USH2A: variants seen among roughly 807,000 people sequenced by gnomAD.
USH2A encodes the protein Usher syndrome 2A (autosomal recessive, mild).
USH2A carries 443 observed loss-of-function variants against 538.9 expected under a neutral mutation model. The ratio of observed to expected loss-of-function variants is 0.82; its 90% confidence interval spans 0.76 to 0.89. The LOEUF is 0.89. Ranked by LOEUF, USH2A falls within the 40% of genes least tolerant of loss-of-function variation. The pLI is 0.00. For synonymous variants in USH2A, 2,413 were observed against 2,273.5 expected (o/e 1.06, Z -1.75); for missense variants, 6,633 against 6,324.8 (o/e 1.05, Z -1.65).
chr1:215,635,853 C>A (rs1656465442), intron 69 of USH2A, among the ~76,000 whole-genome samples: 1 of 152,006 alleles, frequency 6.6e-6, no homozygotes, highest in Admixed American at 6.6e-5. Flanking sequence ...CGCACCCAGC[C>A]AGGCAGGTTT....
At chr1:215,926,770 C>T (rs1425522942) in intron 38 of USH2A, among the ~76,000 whole-genome samples, 1 of 151,812 alleles carries the variant, frequency 6.6e-6, no homozygotes, top group Non-Finnish European at 1.5e-5. Flanking sequence ...ACATGCCCGG[C>T]TAAGTTTTTG....
chr1:216,285,618 A>T (rs2036867139), intron 11 of USH2A, among the ~76,000 whole-genome samples: 2 of 152,124 alleles, frequency 1.3e-5, no homozygotes, highest in Non-Finnish European at 2.9e-5. Context: ...CATCCTCCAG[A>T]CCTCAGAATG....
intron 37 of USH2A, among the ~76,000 whole-genome samples, chr1:215,950,068 T>C (rs748691348): frequency 7.9e-5 from 12 of 152,166 alleles, no homozygotes; most frequent in Non-Finnish European, 1.2e-4. Context: ...TTAGAAGCCA[T>C]GTGAAATGAT....
intron 55 of USH2A, among the ~76,000 whole-genome samples, chr1:215,767,397 C>T (rs1293536745): frequency 6.6e-6 from 1 of 152,126 alleles, no homozygotes; most frequent in Non-Finnish European, 1.5e-5. Flanking sequence ...TTTTCTTGCC[C>T]CAAGCCATAT....
intron 4 of USH2A, among the ~76,000 whole-genome samples, chr1:216,337,681 T>A (rs1163059974): frequency 6.6e-6 from 1 of 151,130 alleles, no homozygotes; most frequent in Non-Finnish European, 1.5e-5. Flanking sequence ...GACCTCACAA[T>A]CAGACAAAGA....
chr1:215,995,322 T>A (rs1293219604), intron 34 of USH2A, among the ~76,000 whole-genome samples: 2 of 152,210 alleles, frequency 1.3e-5, no homozygotes, highest in Non-Finnish European at 2.9e-5. Flanking sequence ...AAGGCATTTA[T>A]GAAAGCATTT....
intron 9 of USH2A, among the ~76,000 whole-genome samples, chr1:216,303,444 C>T (rs753967989): frequency 2.5e-4 from 38 of 151,708 alleles, no homozygotes; most frequent in African/African-American, 7.5e-4. Context: ...AAGTATAAGG[C>T]GTTATTGATG....
intron 61 of USH2A, among the ~76,000 whole-genome samples, chr1:215,688,357 A>G (rs1658499872): frequency 6.6e-6 from 1 of 152,114 alleles, no homozygotes; most frequent in Non-Finnish European, 1.5e-5. Flanking sequence ...AGGCCAAGGT[A>G]AAGAGTTCAA....
chr1:216,412,073 T>C (rs941757785), intron 3 of USH2A, among the ~76,000 whole-genome samples: 1 of 152,188 alleles, frequency 6.6e-6, no homozygotes, highest in African/African-American at 2.4e-5. Context: ...CAGGAAGTTA[T>C]AGGCTATAAA....
At chr1:216,283,512 C>T (rs923606798) in intron 11 of USH2A, among the ~76,000 whole-genome samples, 1 of 152,094 alleles carries the variant, frequency 6.6e-6, no homozygotes, top group Non-Finnish European at 1.5e-5. Context: ...ATTTCATTTT[C>T]TTGGCTACAA....
At chr1:215,639,334 A>G in intron 68 of USH2A, 96 bp from the exon 69 acceptor site, 1 of 1,183,336 alleles carries the variant, frequency 8.5e-7, no homozygotes, top group Non-Finnish European at 1.3e-6. Context: ...AGCATGAAAA[A>G]TAGGATTCCA....
intron 30 of USH2A, among the ~76,000 whole-genome samples, chr1:216,064,052 T>A (rs1036237369): frequency 6.6e-6 from 1 of 152,204 alleles, no homozygotes; most frequent in African/African-American, 2.4e-5. Flanking sequence ...GTGAACATTG[T>A]AAGGAGCACC....
chr1:215,728,347 C>T lies in USH2A; in HGVS notation c.11749G>A (p.Val3917Ile). Residue 3917 changes from valine (V) to isoleucine (I), a missense_variant, in exon 61 of 72, where the codon GTC becomes ATC. Coordinates refer to ENST00000307340, the MANE Select transcript of USH2A (RefSeq NM_206933.4). ...AATTCAAGGGCTCCTTCTGACCAGACAAATAAAACAGACTCCTCTTCAATG... is the reference window on the plus strand; with the variant it reads ...AATTCAAGGGCTCCTTCTGACCAGATAAATAAAACAGACTCCTCTTCAATG... ...AGIEEESVLF[V>I]WSEGALEFMD... 2.5e-6 allele frequency: 4 copies of T among 1,614,174 alleles called. No homozygotes were observed. The highest frequency in any genetic ancestry group is 2.5e-6 in the Non-Finnish European group (3 of 1,180,036).
At chr1:215,993,926 A>G (rs950967392) in intron 34 of USH2A, among the ~76,000 whole-genome samples, 4 of 152,206 alleles carry the variant, frequency 2.6e-5, no homozygotes, top group African/African-American at 9.6e-5. Context: ...GTGCAATTTC[A>G]TAATAAACTG....
chr1:216,334,727 G>A (rs953306629), intron 4 of USH2A, among the ~76,000 whole-genome samples: 1 of 151,806 alleles, frequency 6.6e-6, no homozygotes, highest in African/African-American at 2.4e-5. Context: ...TTTTAGTAGA[G>A]ACAAGAATAT....
Position 215,878,788 on chromosome 1 carries a change from G to A in USH2A, c.8534C>T (p.Ser2845Phe). ...CCTCAAATTAGGTCCATTTGGCTTGGATGGTGGTTGCCAAGAAATCACAAC... is the reference window on the plus strand; with the variant it reads ...CCTCAAATTAGGTCCATTTGGCTTGAATGGTGGTTGCCAAGAAATCACAAC... ...SYVVISWQPP[S>F]KPNGPNLRYE... Residue 2845 changes from serine (S) to phenylalanine (F), a missense_variant, in exon 42 of 72, where the codon TCC becomes TTC. By Grantham distance (155) the Ser-to-Phe change is radical (BLOSUM62 -2). Coordinates refer to ENST00000307340, the MANE Select transcript of USH2A (RefSeq NM_206933.4). 1 of 1,613,970 alleles carries A rather than the reference G, an allele frequency of 6.2e-7. No homozygotes were observed. The highest frequency in any genetic ancestry group is 1.7e-5 in the Admixed American group (1 of 60,004).
At chr1:215,791,348 C>T (rs569291611) in intron 50 of USH2A, among the ~76,000 whole-genome samples, 6 of 152,182 alleles carry the variant, frequency 3.9e-5, no homozygotes, top group Admixed American at 6.5e-5. Context: ...ATTCAAAGTG[C>T]CCTGGGGTCC....
intron 35 of USH2A, among the ~76,000 whole-genome samples, chr1:215,988,702 C>A (rs1220700562): frequency 6.6e-6 from 1 of 152,078 alleles, no homozygotes; most frequent in African/African-American, 2.4e-5. Context: ...TAATGGTAAT[C>A]AACAATTTTT....
At chr1:215,658,366 T>G (rs1175975711) in intron 64 of USH2A, among the ~76,000 whole-genome samples, 1 of 152,014 alleles carries the variant, frequency 6.6e-6, no homozygotes, top group Non-Finnish European at 1.5e-5. Context: ...GCACTTACAC[T>G]TTTGTAAGTG....
Sources: allele counts gnomAD v4.1 joint callset (sites outside exome capture counted in the v4.1 genomes callset), GRCh38; gene constraint gnomAD v4.1.1; transcripts MANE v1.5; gene names NCBI Gene and HGNC (gene_info 2026-07-23, HGNC 2026-07-21).